Variants in CD28 observed in about 807,000 individuals in gnomAD.
The protein encoded by CD28 is CD28 molecule.
Under a neutral mutation model 21.4 loss-of-function variants are expected in CD28, and 8 were observed. That is an observed-to-expected ratio of 0.37 (90% CI 0.22 to 0.68). CD28 has a LOEUF of 0.68. Ranked by LOEUF, CD28 falls within the 30% of genes least tolerant of loss-of-function variation. The pLI is 0.55. For missense variants in CD28, 239 were observed against 272.2 expected (o/e 0.88, Z 0.86); for synonymous variants, 106 against 104.0 (o/e 1.02, Z -0.12).
At position 203,737,699 on chromosome 2, in the gene CD28, G is replaced by C. The variant is rs1243641010; in HGVS notation, c.*2787G>C. The C allele has an allele frequency of 3.9e-5, 6 of 152,590 alleles. No individual in the cohort carries two copies. The allele number at this position is 152,590 out of a possible 1,614,324, so 9.5% of individuals were successfully genotyped here. ...ATGTCATTTGCTGCTATTATTGTAA[G>C]AGTCTTATAATTAATGGTACTCCTA... On this transcript the variant is annotated 3_prime_UTR_variant, in exon 4 of 4. Coordinates refer to ENST00000324106, the MANE Select transcript of CD28 (RefSeq NM_006139.4).
chr2:203,720,894 G>C (rs1372894057), intron 1 of CD28, among the ~76,000 whole-genome samples: 1 of 152,120 alleles, frequency 6.6e-6, no homozygotes, highest in African/African-American at 2.4e-5. Context: ...TCTTTTTCTA[G>C]CACCAAAAGT....
At chr2:203,729,062 T>C (rs1178838842) in intron 2 of CD28, among the ~76,000 whole-genome samples, 1 of 152,216 alleles carries the variant, frequency 6.6e-6, no homozygotes, top group Non-Finnish European at 1.5e-5. Flanking sequence ...TTTGGTATGC[T>C]TTCTAGTTCT....
At chr2:203,710,983 T>A (rs138373301) in intron 1 of CD28, among the ~76,000 whole-genome samples, 1 of 152,330 alleles carries the variant, frequency 6.6e-6, no homozygotes, top group African/African-American at 2.4e-5. Flanking sequence ...GAGCTGAGCA[T>A]CTGGAAAAAT....
chr2:203,734,488 C>T (rs1332873306), intron 3 of CD28, among the ~76,000 whole-genome samples: 2 of 152,226 alleles, frequency 1.3e-5, no homozygotes, highest in Non-Finnish European at 2.9e-5. Flanking sequence ...AGTGTATTTA[C>T]ATATCAACAG....
chr2:203,717,003 C>A (rs1362009104), intron 1 of CD28, among the ~76,000 whole-genome samples: 1 of 152,008 alleles, frequency 6.6e-6, no homozygotes, highest in Non-Finnish European at 1.5e-5. Flanking sequence ...GGTACCCCCA[C>A]ACCCAGCTAA....
chr2:203,715,466 G>A (rs1693439507), intron 1 of CD28, among the ~76,000 whole-genome samples: 1 of 152,128 alleles, frequency 6.6e-6, no homozygotes, highest in African/African-American at 2.4e-5. Flanking sequence ...CCTGTGAACG[G>A]TAGGGATTGG....
chr2:203,707,407 G>A (rs1252912701), intron 1 of CD28, among the ~76,000 whole-genome samples: 1 of 151,918 alleles, frequency 6.6e-6, no homozygotes, highest in Non-Finnish European at 1.5e-5. Context: ...CCATGCGAAG[G>A]GCTTAGCTCA....
At chr2:203,725,832 C>T (rs1693730748) in intron 1 of CD28, among the ~76,000 whole-genome samples, 1 of 150,152 alleles carries the variant, frequency 6.7e-6, no homozygotes, top group Non-Finnish European at 1.5e-5. Context: ...TCATCCCACT[C>T]TTGCAATGGG....
rs557666946 is a variant in CD28, at chr2:203,738,493, T to G, written c.*3581T>G. 48 of 152,342 alleles carry G rather than the reference T, an allele frequency of 3.2e-4. No individual in the cohort carries two copies. The highest frequency in any genetic ancestry group is 9.1e-4 in the African/African-American group (38 of 41,566). 9.4% of individuals were successfully genotyped at this position (152,342 alleles called of 1,614,324 possible). On this transcript the variant is annotated 3_prime_UTR_variant, in exon 4 of 4. Coordinates refer to ENST00000324106, the MANE Select transcript of CD28 (RefSeq NM_006139.4). Reference sequence around the variant, plus strand: ...CTGGGGTGAGGGAGTCTGTGTTATCTGCAAGGCCATTTGAGGCTCAGAAAG... The same window carrying G: ...CTGGGGTGAGGGAGTCTGTGTTATCGGCAAGGCCATTTGAGGCTCAGAAAG...
intron 1 of CD28, among the ~76,000 whole-genome samples, chr2:203,708,807 G>A (rs1398311494): frequency 6.6e-6 from 1 of 152,160 alleles, no homozygotes; most frequent in Non-Finnish European, 1.5e-5. Context: ...GAAAACTTAC[G>A]AGCAAGAAAA....
At chr2:203,728,110 C>G (rs1581514703) in intron 2 of CD28, among the ~76,000 whole-genome samples, 1 of 152,316 alleles carries the variant, frequency 6.6e-6, no homozygotes, top group Non-Finnish European at 1.5e-5. Context: ...GCGCCCAGCC[C>G]GTACCTTTCC....
At chr2:203,712,453 T>C (rs1394009473) in intron 1 of CD28, among the ~76,000 whole-genome samples, 1 of 152,206 alleles carries the variant, frequency 6.6e-6, no homozygotes, top group East Asian at 1.9e-4. Context: ...ACCTCTCACC[T>C]GAAGAAGCCT....
chr2:203,736,280 G>A lies in CD28; in HGVS notation c.*1368G>A, dbSNP rs201511274. On this transcript the variant is annotated 3_prime_UTR_variant, in exon 4 of 4. Transcript: ENST00000324106. ...GGATGAGTCCCAAGAAGGTTCTTTG[G>A]AAGGAGGACGAATAGAATGGAGTAA... 1.3e-5 allele frequency: 2 copies of A among 152,636 alleles called. No individual in the cohort carries two copies. The highest frequency in any genetic ancestry group is 2.9e-5 in the Non-Finnish European group (2 of 68,044). 9.5% of individuals were successfully genotyped at this position (152,636 alleles called of 1,614,324 possible). A position where few individuals can be genotyped will look rare whatever the true frequency, so the allele number is the denominator to read the frequency against.
rs1457903268 is a variant in CD28 at position 203,729,632 on chromosome 2, C to G, written c.410-16C>G. On this transcript the variant is annotated splice_polypyrimidine_tract_variant and intron_variant, in intron 2 of 3. Transcript: ENST00000324106. ...CTATTCCTGTATCATTTAATCCACT[C>G]TATTTTGTTTTTCAGGGAAACACCT... The G allele has an allele frequency of 6.2e-7, 1 of 1,611,372 alleles. No individual in the cohort carries two copies. The highest frequency in any genetic ancestry group is 8.5e-7 in the Non-Finnish European group (1 of 1,178,826).
chr2:203,707,768 C>G (rs1204515854), intron 1 of CD28, among the ~76,000 whole-genome samples: 2 of 152,164 alleles, frequency 1.3e-5, no homozygotes, highest in Non-Finnish European at 2.9e-5. Context: ...AGGGTCTGAA[C>G]CACCTTAGTC....
At position 203,726,755 on chromosome 2, in the gene CD28, C is replaced by G; in HGVS notation, c.175C>G (p.Leu59Val). ...REFRASLHKG[L>V]DSAVEVCVVY... ...GTTCCGGGCATCCCTTCACAAAGGA[C>G]TGGATAGTGCTGTGGAAGTCTGTGT... The change falls in exon 2 of 4, where the codon CTG becomes GTG. Residue 59 changes from leucine (L) to valine (V), a missense_variant. Coordinates refer to ENST00000324106, the MANE Select transcript of CD28 (RefSeq NM_006139.4). 6.2e-7 allele frequency: 1 copy of G among 1,614,082 alleles called. No homozygotes were observed. The highest frequency in any genetic ancestry group is 2.2e-5 in the East Asian group (1 of 44,878).
chr2:203,715,409 GA>G (rs1693438557), intron 1 of CD28, among the ~76,000 whole-genome samples: 1 of 152,082 alleles, frequency 6.6e-6, no homozygotes, highest in Admixed American at 6.6e-5. Flanking sequence ...TGTCCCCTTA[GA>G]TTGTCTTTCT....
At chr2:203,723,419 A>G (rs1380580776) in intron 1 of CD28, among the ~76,000 whole-genome samples, 1 of 151,860 alleles carries the variant, frequency 6.6e-6, no homozygotes, top group African/African-American at 2.4e-5. Flanking sequence ...TCTGGGTGGC[A>G]GAGGCTGCAG....
chr2:203,716,726 A>G (rs1033379210), intron 1 of CD28, among the ~76,000 whole-genome samples: 6 of 152,208 alleles, frequency 3.9e-5, no homozygotes, highest in Non-Finnish European at 1.5e-5. Flanking sequence ...TTTTAAGAGG[A>G]CAAGAACAAG....
Sources: gnomAD v4.1 joint callset for allele counts (sites outside exome capture counted in the v4.1 genomes callset) on GRCh38, gnomAD v4.1.1 for gene constraint, MANE v1.5 for transcripts, NCBI Gene and HGNC (gene_info 2026-07-23, HGNC 2026-07-21) for gene names.